The following NSG2 variants were observed in gnomAD, a reference collection of about 807,000 sequenced individuals.
NSG2 encodes neuronal vesicle trafficking associated 2.
NSG2 carries 4 observed loss-of-function variants against 16.9 expected under a neutral mutation model. The observed-to-expected ratio is 0.24, with a 90% CI of 0.12 to 0.54. The LOEUF (loss-of-function observed/expected upper bound fraction) is 0.54. NSG2 is among the 20% of genes least tolerant of loss of function. The pLI, the probability that NSG2 is intolerant of heterozygous loss-of-function variation, is 0.95. For missense variants in NSG2, 179 were observed against 221.1 expected (o/e 0.81, Z 1.21); for synonymous variants, 98 against 88.7 (o/e 1.11, Z -0.59).
intron 3 of NSG2, among the ~76,000 whole-genome samples, chr5:174,083,120 C>T (rs918124042): frequency 6.6e-6 from 1 of 152,228 alleles, no homozygotes; most frequent in Non-Finnish European, 1.5e-5. Flanking sequence ...TCCTTCCAGG[C>T]TGGCCCAGGA....
intron 3 of NSG2, among the ~76,000 whole-genome samples, chr5:174,065,979 G>A (rs1038080227): frequency 1.3e-5 from 2 of 152,208 alleles, no homozygotes; most frequent in African/African-American, 4.8e-5. Context: ...AACATGACTC[G>A]TGGTTGGTTA....
intron 3 of NSG2, among the ~76,000 whole-genome samples, chr5:174,090,427 C>T (rs1760703889): frequency 6.6e-6 from 1 of 152,166 alleles, no homozygotes; most frequent in African/African-American, 2.4e-5. Context: ...CACATAGGCA[C>T]TGTTTGCTTA....
Position 174,068,722 on chromosome 5 carries a change from TG to T in NSG2, c.213+4410del, listed in dbSNP as rs1242941718. 1.1e-4 allele frequency among the ~76,000 whole-genome samples: 15 copies of T among 142,066 alleles called. No individual in the cohort carries two copies. In the East Asian group the frequency reaches 1.8e-3, roughly 17 times the overall value. 93.2% of individuals were successfully genotyped at this position (142,066 alleles called of 152,430 possible). ...GGTGCTGTGGAAGGTGCTGGTGTCATGGGAATCCTGGTGCTATGGAAGGTGC... is the reference window on the plus strand; with the variant it reads ...GGTGCTGTGGAAGGTGCTGGTGTCATGGAATCCTGGTGCTATGGAAGGTGC... On this transcript the variant is annotated intron_variant, in intron 3 of 4. Coordinates refer to ENST00000303177, the MANE Select transcript of NSG2 (RefSeq NM_015980.5).
intron 3 of NSG2, among the ~76,000 whole-genome samples, chr5:174,068,254 A>C (rs1424831188): frequency 6.6e-6 from 1 of 152,132 alleles, no homozygotes; most frequent in Non-Finnish European, 1.5e-5. Context: ...GAGAGAAAAG[A>C]AGGGAGCAGG....
chr5:174,100,743 C>T (rs1323897688), intron 3 of NSG2, among the ~76,000 whole-genome samples: 4 of 152,194 alleles, frequency 2.6e-5, no homozygotes, highest in Non-Finnish European at 4.4e-5. Flanking sequence ...ACTCAGGGGA[C>T]GTTAGCAGTG....
Position 174,046,733 on chromosome 5 carries a change from G to A in NSG2, c.-22-1G>A, listed in dbSNP as rs756819744. On this transcript the variant is annotated splice_acceptor_variant, in intron 1 of 4. Transcript: ENST00000303177. LOFTEE classifies it low-confidence loss of function (5UTR_SPLICE). The stretch of plus-strand genomic sequence containing the variant: ...AACCAGAATCCCACTGCTTGCCTTA[G>A]GTCTGGGAAGAAAGGCGTAAGGATG... 55 of 1,613,724 alleles carry A rather than the reference G, an allele frequency of 3.4e-5. No homozygotes were observed. The highest frequency in any genetic ancestry group is 4.6e-5 in the Non-Finnish European group (54 of 1,179,940).
At chr5:174,080,350 A>T (rs1760427349) in intron 3 of NSG2, among the ~76,000 whole-genome samples, 1 of 149,828 alleles carries the variant, frequency 6.7e-6, no homozygotes, top group Non-Finnish European at 1.5e-5. Context: ...ATATAAATTA[A>T]CCTTATTATA....
chr5:174,106,155 A>T (rs1043144809), intron 4 of NSG2, among the ~76,000 whole-genome samples: 1 of 152,196 alleles, frequency 6.6e-6, no homozygotes, highest in Non-Finnish European at 1.5e-5. Context: ...TTCAGGAAGG[A>T]TACATTTTAA....
chr5:174,091,517 A>T (rs555798032), intron 3 of NSG2, among the ~76,000 whole-genome samples: 5 of 151,774 alleles, frequency 3.3e-5, no homozygotes, highest in South Asian at 2.1e-4. Context: ...GCCTGGGGGG[A>T]TGGGGGGCTT....
chr5:174,067,418 G>A (rs1760161073), intron 3 of NSG2, among the ~76,000 whole-genome samples: 1 of 152,180 alleles, frequency 6.6e-6, no homozygotes, highest in Non-Finnish European at 1.5e-5. Context: ...GAGAAAAAGG[G>A]TGCTGGGTCA....
intron 3 of NSG2, chr5:174,066,393 C>G: frequency 2.5e-6 from 1 of 401,830 alleles, no homozygotes; most frequent in Admixed American, 2.7e-5. Flanking sequence ...AGAAATATTC[C>G]CAGGTTCACA....
At chr5:174,082,308 G>A (rs1173832001) in intron 3 of NSG2, 2 of 152,170 alleles carry the variant, frequency 1.3e-5, no homozygotes, top group Non-Finnish European at 2.9e-5. Context: ...ATGTTCCCAG[G>A]GTGCGGACAT....
intron 3 of NSG2, among the ~76,000 whole-genome samples, chr5:174,099,738 T>C (rs1483961755): frequency 6.6e-6 from 1 of 152,116 alleles, no homozygotes; most frequent in Non-Finnish European, 1.5e-5. Context: ...TTTCCTCTGC[T>C]CAGAGCCTTC....
intron 3 of NSG2, among the ~76,000 whole-genome samples, chr5:174,103,857 G>A (rs758467446): frequency 2.6e-5 from 4 of 152,124 alleles, no homozygotes; most frequent in South Asian, 2.1e-4. Flanking sequence ...CCAGCTACTC[G>A]GAAGGCTGAG....
intron 3 of NSG2, among the ~76,000 whole-genome samples, chr5:174,079,096 G>A (rs1760400360): frequency 6.6e-6 from 1 of 151,952 alleles, no homozygotes; most frequent in Non-Finnish European, 1.5e-5. Context: ...TTCCAAATAT[G>A]TTCCACCAGT....
At chr5:174,065,353 G>A (rs543070517) in intron 3 of NSG2, among the ~76,000 whole-genome samples, 1 of 152,004 alleles carries the variant, frequency 6.6e-6, no homozygotes, top group East Asian at 1.9e-4. Flanking sequence ...AATAAGGACA[G>A]TGAGGCCGGG....
intron 4 of NSG2, among the ~76,000 whole-genome samples, chr5:174,105,138 G>A (rs1372128642): frequency 6.6e-6 from 1 of 152,176 alleles, no homozygotes; most frequent in Non-Finnish European, 1.5e-5. Flanking sequence ...GAGAAATAGG[G>A]TTTCTTTGGC....
intron 1 of NSG2, chr5:174,046,530 G>A: frequency 1.8e-6 from 1 of 543,414 alleles, no homozygotes; most frequent in Non-Finnish European, 3.3e-6. Flanking sequence ...GAACCCCATG[G>A]GAAGGTGGCA....
chr5:174,101,035 C>T (rs973517959), intron 3 of NSG2, among the ~76,000 whole-genome samples: 1 of 152,206 alleles, frequency 6.6e-6, no homozygotes, highest in African/African-American at 2.4e-5. Flanking sequence ...CAATGGCAGG[C>T]TGGGGCTGAG....
Sources: gnomAD v4.1 joint callset for allele counts (sites outside exome capture counted in the v4.1 genomes callset) on GRCh38, gnomAD v4.1.1 for gene constraint, MANE v1.5 for transcripts, NCBI Gene and HGNC (gene_info 2026-07-23, HGNC 2026-07-21) for gene names.